Variants in PIEZO2 observed in about 807,000 individuals in gnomAD.
PIEZO2 encodes piezo-type mechanosensitive ion channel component 2.
PIEZO2 carries 172 observed loss-of-function variants against 337.3 expected under a neutral mutation model. That is an observed-to-expected ratio of 0.51 (90% CI 0.45 to 0.58). PIEZO2 has a LOEUF of 0.58. Ranked by LOEUF, PIEZO2 falls within the 20% of genes least tolerant of loss-of-function variation. The pLI, the probability that PIEZO2 is intolerant of heterozygous loss-of-function variation, is 0.00. For missense variants in PIEZO2, 3,028 were observed against 3,391.3 expected (o/e 0.89, Z 2.66); for synonymous variants, 1,251 against 1,228.5 (o/e 1.02, Z -0.38).
chr18:10,825,550 C>CTTTTTTTTTTTTTTTTTT (rs57159292), intron 7 of PIEZO2, among the ~76,000 whole-genome samples: 8 of 113,854 alleles, frequency 7.0e-5, no homozygotes, highest in African/African-American at 1.1e-4. Context: ...TCCTTTCTTC[C>CTTTTTTTTTTTTTTTTTT]TTTTTTTTTT....
chr18:10,898,499 A>G (rs1441935753), intron 4 of PIEZO2, among the ~76,000 whole-genome samples: 1 of 152,250 alleles, frequency 6.6e-6, no homozygotes, highest in South Asian at 2.1e-4. Context: ...AAATGTGTGC[A>G]GAACGAAGTA....
At chr18:10,671,819 A>G in intron 55 of PIEZO2, 40 bp from the exon 56 acceptor site, 2 of 1,485,206 alleles carry the variant, frequency 1.3e-6, no homozygotes, top group Non-Finnish European at 1.8e-6. Context: ...ACAGCAGTTA[A>G]ATATAGTTAA....
rs774150629 is a variant in PIEZO2, at chr18:10,979,033, AC to A, written c.286+501del. On this transcript the variant is annotated intron_variant, in intron 3 of 55. Coordinates refer to ENST00000674853, the MANE Select transcript of PIEZO2 (RefSeq NM_001378183.1). This position sits in a 1 kb window ranked among gnomAD's most constrained non-coding sequence, Gnocchi z 4.0. ...TTCCCTATAAATACTAATAAAAAAA[AC>A]CTTCCAATTCAGAAAAGAAACTACA... Among the ~76,000 whole-genome samples, 1 of 152,150 alleles carries A rather than the reference AC, an allele frequency of 6.6e-6. No individual in the cohort carries two copies. Among genetic ancestry groups the A allele is most frequent in the African/African-American group, 2.4e-5 (1 of 41,428 alleles).
Position 10,795,325 on chromosome 18 carries a change from T to C in PIEZO2, c.1528-323A>G, listed in dbSNP as rs1314194875. Among the ~76,000 whole-genome samples the C allele has an allele frequency of 0.12, 2,045 of 16,516 alleles. 60 individuals carry two copies. The highest frequency in any genetic ancestry group is 0.24 in the African/African-American group (1,922 of 8,164). The allele number at this position is 16,516 out of a possible 152,430, so 10.8% of individuals were successfully genotyped here. ...AAATGTGTATTCAAATATTTTATTT[T>C]ATTTTATTTTATTTTATTTTATTTT... On this transcript the variant is annotated intron_variant, in intron 12 of 55. Transcript: ENST00000674853. This position sits in a 1 kb window ranked among gnomAD's most constrained non-coding sequence, Gnocchi z 4.4.
In PIEZO2 at chr18:10,860,559, G is replaced by T. The variant is rs2041846298; in HGVS notation, c.493-3348C>A. 2.0e-5 allele frequency among the ~76,000 whole-genome samples: 3 copies of T among 152,072 alleles called. No individual in the cohort carries two copies. The South Asian group carries it at 6.2e-4, about 32-fold the overall frequency. ...AACACACAAATGACCTGCTCATCAG[G>T]CATCTGTTGCTTCTTTCCCCATCAC... On this transcript the variant is annotated intron_variant, in intron 5 of 55. Transcript: ENST00000674853.
At chr18:10,845,732 A>G (rs1190984937) in intron 7 of PIEZO2, among the ~76,000 whole-genome samples, 1 of 152,200 alleles carries the variant, frequency 6.6e-6, no homozygotes, top group East Asian at 1.9e-4. Context: ...GGGTCTCTGA[A>G]GGACATACTG....
rs73945841 is a variant in PIEZO2 at position 10,699,019 on chromosome 18, G to A, written c.6600C>T (p.Phe2200=). 6,549 of 1,537,110 alleles carry A rather than the reference G, an allele frequency of 4.3e-3. 192 individuals carry two copies. In the African/African-American group the frequency reaches 0.072, roughly 17 times the overall value. The part of the protein sequence containing the change: ...AASVESVHVT[F]PEQQTAVRRK... ...TCCGGACAGCTGTCTGCTGCTCCGG[G>A]AAGGTCACATGCACTGACTCCACAG... Residue 2200 remains phenylalanine (F), a synonymous_variant, in exon 44 of 56, where the codon TTC becomes TTT. Transcript: ENST00000674853.
intron 4 of PIEZO2, among the ~76,000 whole-genome samples, chr18:10,900,460 C>T (rs531609314): frequency 2.0e-5 from 3 of 152,226 alleles, no homozygotes; most frequent in South Asian, 2.1e-4. Flanking sequence ...TGGAAGAGAC[C>T]TCTGCCTACT....
chr18:11,093,606 A>G lies in PIEZO2; in HGVS notation c.65-27384T>C, dbSNP rs796116301. Among the ~76,000 whole-genome samples the G allele has an allele frequency of 6.3e-3, 536 of 84,658 alleles. 5 individuals carry two copies. The highest frequency in any genetic ancestry group is 0.022 in the African/African-American group (496 of 22,938). 55.5% of individuals were successfully genotyped at this position (84,658 alleles called of 152,430 possible). On this transcript the variant is annotated intron_variant, in intron 1 of 55. Coordinates refer to ENST00000674853, the MANE Select transcript of PIEZO2 (RefSeq NM_001378183.1). ...TTTTTTTTTTTTTTTTTTTTTTCTG[A>G]GACGGAGTCTCGCTCTGTCGCCCAG...
rs887180681 is a variant in PIEZO2, at chr18:10,781,186, T to C, written c.2493-820A>G. On this transcript the variant is annotated intron_variant, in intron 17 of 55. Transcript: ENST00000674853. This position sits in a 1 kb window ranked among gnomAD's most constrained non-coding sequence, Gnocchi z 4.1. ...ATTAAAGAGCTATAAAAGTAATGAA[T>C]ATGGCCGGGTGTGGTGGCTCACGCC... Among the ~76,000 whole-genome samples, 1 of 152,034 alleles carries C rather than the reference T, an allele frequency of 6.6e-6. No homozygotes were observed. The highest frequency in any genetic ancestry group is 2.4e-5 in the African/African-American group (1 of 41,400).
chr18:11,103,808 T>TGTGC lies in PIEZO2; in HGVS notation c.65-37587_65-37586insGCAC, dbSNP rs932951857. On this transcript the variant is annotated intron_variant, in intron 1 of 55. Transcript: ENST00000674853. ...GGTCGTGTGTGTGTGTGTGTGTGTG[T>TGTGC]GCGTGTGTGCGTGTGTGCGTGTGTG... Among the ~76,000 whole-genome samples the TGTGC allele has an allele frequency of 8.2e-5, 11 of 134,210 alleles. No homozygotes were observed. In the East Asian group the frequency reaches 1.9e-3, roughly 23 times the overall value. 88.0% of individuals were successfully genotyped at this position (134,210 alleles called of 152,430 possible). A position where few individuals can be genotyped will look rare whatever the true frequency, so the allele number is the denominator to read the frequency against.
rs1555714107 is a variant in PIEZO2 at position 11,103,802 on chromosome 18, TGTGTGTGC to T, written c.65-37588_65-37581del. 1.5e-3 allele frequency among the ~76,000 whole-genome samples: 234 copies of T among 151,536 alleles called. 2 individuals are homozygous for T. The highest frequency in any genetic ancestry group is 2.2e-3 in the Non-Finnish European group (147 of 67,912). ...GATGCTGGTCGTGTGTGTGTGTGTGTGTGTGTGCGTGTGTGCGTGTGTGCGTGTGTGTG... is the reference window on the plus strand; with the variant it reads ...GATGCTGGTCGTGTGTGTGTGTGTGTGTGTGTGCGTGTGTGCGTGTGTGTG... On this transcript the variant is annotated intron_variant, in intron 1 of 55. Transcript: ENST00000674853.
chr18:10,897,978 T>C (rs1026638701), intron 4 of PIEZO2, among the ~76,000 whole-genome samples: 8 of 152,210 alleles, frequency 5.3e-5, no homozygotes, highest in Admixed American at 2.0e-4. Flanking sequence ...CTCAAGTCCT[T>C]CTTGGTTATG....
chr18:11,142,262 T>C (rs2040674089), intron 1 of PIEZO2, among the ~76,000 whole-genome samples: 2 of 152,252 alleles, frequency 1.3e-5, no homozygotes, highest in African/African-American at 4.8e-5. Context: ...ACGTTGCTGT[T>C]AAATTTTAAA....
At position 10,751,994 on chromosome 18, in the gene PIEZO2, C is replaced by T. The variant is rs557783456; in HGVS notation, c.4167+642G>A. 7.9e-5 allele frequency among the ~76,000 whole-genome samples: 12 copies of T among 151,958 alleles called. No homozygotes were observed. In the South Asian group the frequency reaches 1.3e-3, roughly 16 times the overall value. On this transcript the variant is annotated intron_variant, in intron 28 of 55. Transcript: ENST00000674853. ...AGCCAAGCTTCGTCGGGGCCTGGTG[C>T]GGGTTGTGGGGGGGGAGGGTCCCTC...
intron 4 of PIEZO2, among the ~76,000 whole-genome samples, chr18:10,906,726 A>G (rs1233909578): frequency 6.6e-6 from 1 of 151,742 alleles, no homozygotes; most frequent in Admixed American, 6.6e-5. Flanking sequence ...ACGCCTGGCT[A>G]ATTTTTAGTA....
chr18:11,042,604 G>A (rs2037164047), intron 2 of PIEZO2, among the ~76,000 whole-genome samples: 1 of 152,188 alleles, frequency 6.6e-6, no homozygotes, highest in African/African-American at 2.4e-5. Flanking sequence ...TAGAGAACAG[G>A]GTGACCTGTC....
At chr18:10,875,856 A>G (rs1389281001) in intron 4 of PIEZO2, among the ~76,000 whole-genome samples, 2 of 152,228 alleles carry the variant, frequency 1.3e-5, no homozygotes, top group Non-Finnish European at 2.9e-5. Flanking sequence ...TTAAGGGAAT[A>G]AATGAATGTA....
Position 10,847,695 on chromosome 18 carries a change from T to C in PIEZO2, c.917+7658A>G, listed in dbSNP as rs948692029. 6.6e-5 allele frequency among the ~76,000 whole-genome samples: 10 copies of C among 152,194 alleles called. No individual in the cohort carries two copies. Among genetic ancestry groups the C allele is most frequent in the African/African-American group, 2.4e-4 (10 of 41,438 alleles). On this transcript the variant is annotated intron_variant, in intron 7 of 55. Transcript: ENST00000674853. The surrounding 1 kb of genome is among the most constrained non-coding windows in gnomAD (Gnocchi z 5.7). ...TTATCTGTGTAAAGTCAATTTCTCTTGGGGCACCTAACTCTACCTTTCAGA... is the reference window on the plus strand; with the variant it reads ...TTATCTGTGTAAAGTCAATTTCTCTCGGGGCACCTAACTCTACCTTTCAGA...
Sources: gnomAD v4.1 joint callset for allele counts (sites outside exome capture counted in the v4.1 genomes callset) on GRCh38, gnomAD v4.1.1 for gene constraint, Gnocchi (gnomAD v3.1) non-coding constraint, MANE v1.5 for transcripts, NCBI Gene and HGNC (gene_info 2026-07-23, HGNC 2026-07-21) for gene names.